The following PCDH15 variants were observed in gnomAD, a reference collection of about 807,000 sequenced individuals.
PCDH15 encodes the protein protocadherin-15.
In PCDH15, 129 loss-of-function variants were observed where a neutral mutation model predicts 178.5. That is an observed-to-expected ratio of 0.72 (90% CI 0.63 to 0.84). The LOEUF (loss-of-function observed/expected upper bound fraction) is 0.84, where lower values mean the gene tolerates loss of function less well. Among genes scored for constraint, PCDH15 ranks in the 40% least tolerant of loss-of-function variants. PCDH15 has a pLI of 0.00. For missense variants in PCDH15, 2,230 were observed against 2,099.9 expected (o/e 1.06, Z -1.21); for synonymous variants, 800 against 732.0 (o/e 1.09, Z -1.50).
chr10:54,069,885 T>C (rs889068032), intron 17 of PCDH15, among the ~76,000 whole-genome samples: 2 of 152,148 alleles, frequency 1.3e-5, no homozygotes, highest in Non-Finnish European at 2.9e-5. Context: ...CATTAACACA[T>C]GTTCACAATT....
rs1185807119 is a variant in PCDH15, at chr10:54,287,611, A to AT, written c.876+29659dup. 3.3e-5 allele frequency among the ~76,000 whole-genome samples: 5 copies of AT among 151,880 alleles called. No homozygotes were observed. The South Asian group carries it at 6.2e-4, about 19-fold the overall frequency. ...TTTAAAACAAAATTTATTTTTGCCT[A>AT]TTTTTTTCGTTCTAAGGCTCTTTAT... On this transcript the variant is annotated intron_variant, in intron 8 of 37. Coordinates refer to ENST00000644397, the MANE Select transcript of PCDH15 (RefSeq NM_001384140.1).
At chr10:54,456,454 G>C (rs1565323292) in intron 3 of PCDH15, among the ~76,000 whole-genome samples, 1 of 152,096 alleles carries the variant, frequency 6.6e-6, no homozygotes, top group Non-Finnish European at 1.5e-5. Context: ...CCTCTATGTG[G>C]AATGGATGTA....
chr10:54,706,525 C>T (rs2095366437), intron 1 of PCDH15, among the ~76,000 whole-genome samples: 1 of 152,028 alleles, frequency 6.6e-6, no homozygotes, highest in Non-Finnish European at 1.5e-5. Flanking sequence ...GAATTATTTC[C>T]ATGTTTCCTA....
At chr10:55,489,886 A>G (rs1840375135) in intron 2 of PCDH15, among the ~76,000 whole-genome samples, 1 of 151,702 alleles carries the variant, frequency 6.6e-6, no homozygotes, top group South Asian at 2.1e-4. Flanking sequence ...CCAATGTAAA[A>G]GAAATTAAAG....
chr10:54,663,120 T>G (rs1003738812), intron 2 of PCDH15, among the ~76,000 whole-genome samples: 2 of 151,974 alleles, frequency 1.3e-5, no homozygotes, highest in Admixed American at 1.3e-4. Flanking sequence ...TCTCACATTA[T>G]TGAAGACTGA....
intron 15 of PCDH15, among the ~76,000 whole-genome samples, chr10:54,104,845 CAA>C (rs56195842): frequency 0.21 from 10,144 of 48,538 alleles, 715 homozygotes; most frequent in African/African-American, 0.37. Flanking sequence ...TCAACAACAA[CAA>C]AAAAAAAAAA....
chr10:54,569,410 T>C (rs1381517811), intron 2 of PCDH15, among the ~76,000 whole-genome samples: 2 of 152,160 alleles, frequency 1.3e-5, no homozygotes, highest in African/African-American at 4.8e-5. Context: ...AGCAGAGAAG[T>C]TCCCTAGAAT....
intron 3 of PCDH15, among the ~76,000 whole-genome samples, chr10:54,852,756 G>C (rs954170329): frequency 6.6e-6 from 1 of 151,822 alleles, no homozygotes; most frequent in African/African-American, 2.4e-5. Flanking sequence ...AGGAGGCTGA[G>C]GCAGGAGAAT....
At chr10:55,031,399 A>C (rs1308222856) in intron 2 of PCDH15, among the ~76,000 whole-genome samples, 1 of 152,216 alleles carries the variant, frequency 6.6e-6, no homozygotes, top group Non-Finnish European at 1.5e-5. Context: ...ATTAGCTAAA[A>C]ATAGAGAAAT....
At chr10:54,234,666 C>A (rs2054441898) in intron 9 of PCDH15, among the ~76,000 whole-genome samples, 1 of 152,162 alleles carries the variant, frequency 6.6e-6, no homozygotes, top group Admixed American at 6.5e-5. Context: ...AGTACAATTT[C>A]CAGAGGCTAC....
chr10:54,406,379 G>C lies in PCDH15; in HGVS notation c.158-27437C>G, dbSNP rs533611819. Among the ~76,000 whole-genome samples, 4 of 152,196 alleles carry C rather than the reference G, an allele frequency of 2.6e-5. No homozygotes were observed. In the East Asian group the frequency reaches 7.7e-4, roughly 29 times the overall value. On this transcript the variant is annotated intron_variant, in intron 3 of 37. Coordinates refer to ENST00000644397, the MANE Select transcript of PCDH15 (RefSeq NM_001384140.1). ...AATGGACTAGAATAGGTAGGAATTA[G>C]TCAACTTTATCCTTAAGGGCCAGAT...
At chr10:54,275,505 A>T (rs2058301715) in intron 8 of PCDH15, among the ~76,000 whole-genome samples, 1 of 151,806 alleles carries the variant, frequency 6.6e-6, no homozygotes, top group African/African-American at 2.4e-5. Flanking sequence ...TCTATCACTA[A>T]CTCTATTAAA....
intron 2 of PCDH15, among the ~76,000 whole-genome samples, chr10:54,961,302 G>A (rs989562382): frequency 3.3e-5 from 5 of 152,188 alleles, no homozygotes; most frequent in South Asian, 2.1e-4. Context: ...GGGTGCTGAC[G>A]AGTGTGGGAG....
chr10:53,897,365 G>A (rs1358762501), intron 26 of PCDH15, among the ~76,000 whole-genome samples: 1 of 151,994 alleles, frequency 6.6e-6, no homozygotes, highest in Non-Finnish European at 1.5e-5. Context: ...TTGAACATAA[G>A]CTTCACATTC....
At chr10:55,192,043 A>G (rs1839956023) in intron 1 of PCDH15, among the ~76,000 whole-genome samples, 1 of 151,958 alleles carries the variant, frequency 6.6e-6, no homozygotes, top group South Asian at 2.1e-4. Flanking sequence ...ATATCACACT[A>G]AAATAAAGGG....
At chr10:53,934,897 C>G (rs1292908951) in intron 25 of PCDH15, among the ~76,000 whole-genome samples, 1 of 150,448 alleles carries the variant, frequency 6.6e-6, no homozygotes, top group Non-Finnish European at 1.5e-5. Context: ...AGCATAAGAA[C>G]TTGTGGCCAG....
intron 18 of PCDH15, among the ~76,000 whole-genome samples, chr10:54,065,224 C>A (rs1040500643): frequency 6.6e-6 from 1 of 152,190 alleles, no homozygotes; most frequent in Non-Finnish European, 1.5e-5. Flanking sequence ...CATAACCTCT[C>A]AGGAACTGGA....
At chr10:54,250,077 C>CTATTTT (rs1412806029) in intron 8 of PCDH15, among the ~76,000 whole-genome samples, 1 of 137,810 alleles carries the variant, frequency 7.3e-6, no homozygotes, top group African/African-American at 2.7e-5. Context: ...CCACATCCGG[C>CTATTTT]TTTTTTTTTT....
intron 2 of PCDH15, among the ~76,000 whole-genome samples, chr10:54,628,779 G>A (rs1355402268): frequency 6.6e-6 from 1 of 152,146 alleles, no homozygotes; most frequent in African/African-American, 2.4e-5. Context: ...TGGTGAGAAT[G>A]TTAGACTCAC....
Sources: gnomAD v4.1 joint callset for allele counts (sites outside exome capture counted in the v4.1 genomes callset) on GRCh38, gnomAD v4.1.1 for gene constraint, MANE v1.5 for transcripts, NCBI Gene and HGNC (gene_info 2026-07-23, HGNC 2026-07-21) for gene names.